Variants in SLC23A2 observed in about 807,000 individuals in gnomAD.
SLC23A2 encodes the protein Na(+)/L-ascorbic acid transporter 2.
SLC23A2 carries 36 observed loss-of-function variants against 73.3 expected under a neutral mutation model. The ratio of observed to expected loss-of-function variants is 0.49; its 90% CI spans 0.38 to 0.65. The LOEUF (loss-of-function observed/expected upper bound fraction) is 0.65, where lower values mean the gene tolerates loss of function less well. Ranked by LOEUF, SLC23A2 falls within the 30% of genes least tolerant of loss-of-function variation. The pLI is 0.00. For missense variants in SLC23A2, 507 were observed against 841.6 expected (o/e 0.60, Z 4.92); for synonymous variants, 343 against 327.3 (o/e 1.05, Z -0.52).
At chr20:4,898,425 G>A (rs561955742) in intron 6 of SLC23A2, among the ~76,000 whole-genome samples, 1 of 152,344 alleles carries the variant, frequency 6.6e-6, no homozygotes, top group South Asian at 2.1e-4. Context: ...AGGTCCCGAA[G>A]GATTCTGACT....
intron 3 of SLC23A2, among the ~76,000 whole-genome samples, chr20:4,920,183 C>T (rs1440225251): frequency 2.0e-5 from 3 of 152,252 alleles, no homozygotes; most frequent in African/African-American, 7.2e-5. Flanking sequence ...ATTGCTTGAA[C>T]CTGGGAGGCA....
rs745627156 is a variant in SLC23A2, at chr20:4,863,893, A to G, written c.1357-986T>C. ...AGGCTCTCATAGCACCATGTAGGGC[A>G]TATCTGCTACTCCTGATCTCTGCCT... is the stretch of plus-strand genomic sequence containing the variant. On this transcript the variant is annotated intron_variant, in intron 13 of 16. Transcript: ENST00000338244. The surrounding 1 kb of genome is among the most constrained non-coding windows in gnomAD (Gnocchi z 4.8). 2.6e-5 allele frequency among the ~76,000 whole-genome samples: 4 copies of G among 152,186 alleles called. No individual in the cohort carries two copies. The highest frequency in any genetic ancestry group is 4.4e-5 in the Non-Finnish European group (3 of 68,034).
chr20:4,914,027 G>T (rs1209757614), intron 3 of SLC23A2, among the ~76,000 whole-genome samples: 3 of 151,670 alleles, frequency 2.0e-5, no homozygotes, highest in Admixed American at 6.6e-5. Flanking sequence ...TAAATATTAA[G>T]GTAACTGTAT....
In SLC23A2 at chr20:4,880,699, G is replaced by C. The variant is rs553966983; in HGVS notation, c.824+2943C>G. Among the ~76,000 whole-genome samples, 14 of 151,948 alleles carry C rather than the reference G, an allele frequency of 9.2e-5. No homozygotes were observed. In the South Asian group the frequency reaches 2.7e-3, roughly 29 times the overall value. ...ACAAGTAAGGGTGGAGTGGAGGAAG[G>C]CATCTAGATAATTCAAGATCATGTC... On this transcript the variant is annotated intron_variant, in intron 9 of 16. Coordinates refer to ENST00000338244, the MANE Select transcript of SLC23A2 (RefSeq NM_005116.6).
chr20:4,978,507 G>A (rs1165536465), intron 1 of SLC23A2, among the ~76,000 whole-genome samples: 3 of 152,130 alleles, frequency 2.0e-5, no homozygotes, highest in South Asian at 2.1e-4. Flanking sequence ...CCAGCACCCT[G>A]CTGAAAGACA....
At chr20:4,896,373 G>A (rs1211805476) in intron 6 of SLC23A2, among the ~76,000 whole-genome samples, 1 of 152,148 alleles carries the variant, frequency 6.6e-6, no homozygotes, top group Non-Finnish European at 1.5e-5. Context: ...GGTCGGAGAG[G>A]AAGCAAGGGG....
At chr20:4,905,205 C>G (rs1046611826) in intron 4 of SLC23A2, among the ~76,000 whole-genome samples, 1 of 151,222 alleles carries the variant, frequency 6.6e-6, no homozygotes, top group Non-Finnish European at 1.5e-5. Flanking sequence ...TGCACACACA[C>G]AAGCTTTTCT....
chr20:4,898,160 C>A (rs573932825), intron 6 of SLC23A2, among the ~76,000 whole-genome samples: 41 of 152,354 alleles, frequency 2.7e-4, no homozygotes, highest in Admixed American at 2.4e-3. Context: ...CCCTGCCCTG[C>A]CCCCTGGGGG....
chr20:4,931,068 GAAAAAA>G (rs758041566), intron 3 of SLC23A2, among the ~76,000 whole-genome samples: 13 of 75,078 alleles, frequency 1.7e-4, no homozygotes, highest in African/African-American at 4.3e-4. Context: ...ATTTTTTTAA[GAAAAAA>G]AAAAAAAAAA....
Position 4,857,808 on chromosome 20 carries a change from G to GT in SLC23A2, c.1721-605dup, listed in dbSNP as rs1929789802. On this transcript the variant is annotated intron_variant, in intron 16 of 16. Coordinates refer to ENST00000338244, the MANE Select transcript of SLC23A2 (RefSeq NM_005116.6). This position sits in a 1 kb window ranked among gnomAD's most constrained non-coding sequence, Gnocchi z 4.0. ...TAGCTGGGCGTGGTGGTGCATGCCT[G>GT]TAATCTTAACTACTCAGGAGGCTGA... Among the ~76,000 whole-genome samples the GT allele has an allele frequency of 6.6e-6, 1 of 152,128 alleles. No homozygotes were observed. The highest frequency in any genetic ancestry group is 2.4e-5 in the African/African-American group (1 of 41,402).
At chr20:5,000,369 G>A (rs770694144) in intron 1 of SLC23A2, among the ~76,000 whole-genome samples, 2 of 152,106 alleles carry the variant, frequency 1.3e-5, no homozygotes, top group Admixed American at 6.6e-5. Context: ...GGACGAAGCC[G>A]GCTGAGGGAG....
At chr20:4,943,339 T>C (rs749417340) in intron 2 of SLC23A2, among the ~76,000 whole-genome samples, 1 of 152,070 alleles carries the variant, frequency 6.6e-6, no homozygotes, top group Non-Finnish European at 1.5e-5. Flanking sequence ...CAGTGGCTCA[T>C]GTGCTTAAGA....
chr20:4,876,802 T>C (rs1284433225), intron 9 of SLC23A2, among the ~76,000 whole-genome samples: 1 of 152,128 alleles, frequency 6.6e-6, no homozygotes, highest in East Asian at 1.9e-4. Flanking sequence ...TTCTGAACAG[T>C]TTTCACTCCC....
chr20:4,869,895 C>A lies in SLC23A2; in HGVS notation c.1250+11G>T, dbSNP rs1406179947. ...GGGACCAATCAGGAACTTGTCTTCT[C>A]AGGAACGTACCTGTTTATTGCGTGG... On this transcript the variant is annotated intron_variant, in intron 12 of 16. Transcript: ENST00000338244. The A allele has an allele frequency of 6.2e-7, 1 of 1,603,762 alleles. No individual in the cohort carries two copies.
Position 4,932,541 on chromosome 20 carries a change from TA to T in SLC23A2, c.21del (p.Asn7LysfsTer32). 6.3e-7 allele frequency: 1 copy of T among 1,598,742 alleles called. No homozygotes were observed. Among genetic ancestry groups the T allele is most frequent in the Non-Finnish European group, 8.6e-7 (1 of 1,165,904 alleles). ...CCAGCCTCCATTGATTTGGATGTGGTATTCTTACCAATACCCATCATTAAGA... is the reference window on the plus strand; with the variant it reads ...CCAGCCTCCATTGATTTGGATGTGGTTTCTTACCAATACCCATCATTAAGA... MMGIGKNTTSKSMEAGS... is the reference protein window; with the variant it reads MMGIGKXTTSKSMEAGS... On this transcript the variant is annotated frameshift_variant, in exon 3 of 17. Coordinates refer to ENST00000338244, the MANE Select transcript of SLC23A2 (RefSeq NM_005116.6). LOFTEE classifies it high-confidence loss of function.
At chr20:4,928,815 C>A (rs1294645483) in intron 3 of SLC23A2, among the ~76,000 whole-genome samples, 2 of 152,208 alleles carry the variant, frequency 1.3e-5, no homozygotes, top group African/African-American at 4.8e-5. Flanking sequence ...CATGCTCTCA[C>A]AGGGACTCCT....
intron 11 of SLC23A2, 43 bp from the exon 12 acceptor site, chr20:4,870,096 CG>C: frequency 6.6e-7 from 1 of 1,520,102 alleles, no homozygotes; most frequent in Non-Finnish European, 8.9e-7. Flanking sequence ...GAGAGGCAGG[CG>C]AAAGTGACCA....
chr20:4,980,103 T>C lies in SLC23A2; in HGVS notation c.-281-9184A>G, dbSNP rs115854533. ...ATAGTGATTCCATTCTTCACTCAAA[T>C]TGGCATAAAAAAGAAAAAATGTTTT... On this transcript the variant is annotated intron_variant, in intron 1 of 16. Transcript: ENST00000338244. Among the ~76,000 whole-genome samples the C allele has an allele frequency of 3.7e-3, 567 of 152,276 alleles. 4 individuals carry two copies. Among genetic ancestry groups the C allele is most frequent in the African/African-American group, 0.013 (524 of 41,558 alleles).
At chr20:4,916,707 G>T (rs1360659685) in intron 3 of SLC23A2, among the ~76,000 whole-genome samples, 1 of 152,070 alleles carries the variant, frequency 6.6e-6, no homozygotes, top group African/African-American at 2.4e-5. Context: ...AGGATTTTTT[G>T]ACTTTACAGT....
Sources: allele counts gnomAD v4.1 joint callset (sites outside exome capture counted in the v4.1 genomes callset), GRCh38; gene constraint gnomAD v4.1.1; non-coding constraint Gnocchi (gnomAD v3.1); transcripts MANE v1.5; gene names NCBI Gene and HGNC (gene_info 2026-07-23, HGNC 2026-07-21).